PDGFD: variants seen among roughly 807,000 people sequenced by gnomAD.
PDGFD encodes platelet-derived growth factor D.
PDGFD carries 30 observed loss-of-function variants against 44.7 expected under a neutral mutation model. The ratio of observed to expected loss-of-function variants is 0.67; its 90% CI spans 0.50 to 0.91. The LOEUF (loss-of-function observed/expected upper bound fraction) is 0.91. PDGFD is among the 40% of genes least tolerant of loss of function. The pLI, the probability that PDGFD is intolerant of heterozygous loss-of-function variation, is 0.00. For missense variants in PDGFD, 445 were observed against 457.8 expected (o/e 0.97, Z 0.25); for synonymous variants, 173 against 168.4 (o/e 1.03, Z -0.21).
At chr11:103,995,400 A>C (rs1292930389) in intron 3 of PDGFD, among the ~76,000 whole-genome samples, 1 of 152,214 alleles carries the variant, frequency 6.6e-6, no homozygotes, top group Admixed American at 6.5e-5. Flanking sequence ...TACAATGTAG[A>C]TTTTGGCTCA....
chr11:103,954,107 A>G (rs1342159900), intron 3 of PDGFD, among the ~76,000 whole-genome samples: 3 of 152,246 alleles, frequency 2.0e-5, no homozygotes, highest in Non-Finnish European at 4.4e-5. Flanking sequence ...AGAATAAGAT[A>G]TGAGTGGGAA....
chr11:104,104,436 A>G (rs1047124746), intron 1 of PDGFD, among the ~76,000 whole-genome samples: 6 of 152,070 alleles, frequency 3.9e-5, no homozygotes, highest in African/African-American at 1.2e-4. Context: ...AGTCCTGCAA[A>G]CTCTGCTCAT....
At chr11:104,028,826 G>C (rs1215338927) in intron 1 of PDGFD, among the ~76,000 whole-genome samples, 1 of 151,528 alleles carries the variant, frequency 6.6e-6, no homozygotes, top group African/African-American at 2.4e-5. Flanking sequence ...TTTTTTTAGA[G>C]TTGCCTGAGA....
At chr11:103,981,408 CA>C (rs1859270989) in intron 3 of PDGFD, among the ~76,000 whole-genome samples, 1 of 151,394 alleles carries the variant, frequency 6.6e-6, no homozygotes, top group Non-Finnish European at 1.5e-5. Context: ...TCATTTATAG[CA>C]ATAGAAAAGG....
intron 3 of PDGFD, among the ~76,000 whole-genome samples, chr11:103,974,119 GGAAAA>G (rs1859145871): frequency 6.6e-6 from 1 of 151,970 alleles, no homozygotes; most frequent in African/African-American, 2.4e-5. Flanking sequence ...AGAAGAAAGA[GGAAAA>G]AGGGCTCATA....
intron 1 of PDGFD, among the ~76,000 whole-genome samples, chr11:104,159,293 A>C (rs2084092247): frequency 6.6e-6 from 1 of 152,116 alleles, no homozygotes; most frequent in Non-Finnish European, 1.5e-5. Context: ...CTTCACTCTC[A>C]AGTCATCTTA....
At chr11:103,972,211 G>A (rs1164407814) in intron 3 of PDGFD, among the ~76,000 whole-genome samples, 1 of 152,206 alleles carries the variant, frequency 6.6e-6, no homozygotes, top group Non-Finnish European at 1.5e-5. Context: ...AGTTGGGGAT[G>A]GGTGGCCTGT....
chr11:103,943,789 CATGGTATTGT>C, intron 4 of PDGFD, 139 bp from the exon 5 acceptor site: 1 of 650,074 alleles, frequency 1.5e-6, no homozygotes. Context: ...GTAAAAACAA[CATGGTATTGT>C]CTTGCCATAT....
intron 3 of PDGFD, among the ~76,000 whole-genome samples, chr11:103,980,602 T>G (rs1859256008): frequency 6.6e-6 from 1 of 152,042 alleles, no homozygotes. Flanking sequence ...GATTCTCTAG[T>G]GTTTTTCTTG....
intron 3 of PDGFD, among the ~76,000 whole-genome samples, chr11:103,980,204 G>GAA (rs1312098780): frequency 6.6e-6 from 1 of 151,822 alleles, no homozygotes; most frequent in African/African-American, 2.4e-5. Context: ...AGCATTTCAG[G>GAA]AAAAAAGAAA....
intron 1 of PDGFD, among the ~76,000 whole-genome samples, chr11:104,073,751 T>C (rs1860912929): frequency 6.6e-6 from 1 of 152,214 alleles, no homozygotes; most frequent in Non-Finnish European, 1.5e-5. Flanking sequence ...TACTGTTACC[T>C]GCAGATGTGA....
chr11:104,104,454 G>A (rs1218899602), intron 1 of PDGFD, among the ~76,000 whole-genome samples: 1 of 152,084 alleles, frequency 6.6e-6, no homozygotes, highest in African/African-American at 2.4e-5. Context: ...CATGCTAAGT[G>A]TCTAATACAG....
chr11:104,151,319 C>T (rs1016236651), intron 1 of PDGFD, among the ~76,000 whole-genome samples: 11 of 152,100 alleles, frequency 7.2e-5, no homozygotes, highest in Non-Finnish European at 1.3e-4. Flanking sequence ...GAACTTTACA[C>T]ACGCATGCAA....
intron 3 of PDGFD, among the ~76,000 whole-genome samples, chr11:103,964,679 A>T (rs1410759995): frequency 6.6e-6 from 1 of 152,070 alleles, no homozygotes; most frequent in African/African-American, 2.4e-5. Context: ...TCCAGAGACA[A>T]TGGATCATTT....
chr11:103,912,448 C>T (rs1172618576), intron 6 of PDGFD, among the ~76,000 whole-genome samples: 1 of 152,176 alleles, frequency 6.6e-6, no homozygotes, highest in Non-Finnish European at 1.5e-5. Context: ...TTTGTCACCA[C>T]CAGGCCTGCC....
intron 3 of PDGFD, among the ~76,000 whole-genome samples, chr11:103,962,365 A>T (rs1280009216): frequency 6.6e-6 from 1 of 152,158 alleles, no homozygotes; most frequent in Non-Finnish European, 1.5e-5. Context: ...TAAGTACTTT[A>T]TGATGACCCT....
intron 1 of PDGFD, among the ~76,000 whole-genome samples, chr11:104,072,264 A>G (rs1396879907): frequency 6.6e-6 from 1 of 151,756 alleles, no homozygotes; most frequent in Non-Finnish European, 1.5e-5. Context: ...AAACTACTCT[A>G]TGTGTTTCAG....
intron 3 of PDGFD, among the ~76,000 whole-genome samples, chr11:103,958,699 C>G (rs990702905): frequency 6.6e-6 from 1 of 152,104 alleles, no homozygotes; most frequent in South Asian, 2.1e-4. Flanking sequence ...AACCATTTCA[C>G]GCCTCTGTGC....
chr11:103,947,620 C>T (rs1259277720), intron 4 of PDGFD, 42 bp downstream of exon 4: 1 of 1,518,648 alleles, frequency 6.6e-7, no homozygotes, highest in East Asian at 2.2e-5. Flanking sequence ...TTAGCTGTTC[C>T]ATCCGTTTCT....
Sources: gnomAD v4.1 joint callset for allele counts (sites outside exome capture counted in the v4.1 genomes callset) on GRCh38, gnomAD v4.1.1 for gene constraint, MANE v1.5 for transcripts, NCBI Gene and HGNC (gene_info 2026-07-23, HGNC 2026-07-21) for gene names.